HTD2: variants seen among roughly 807,000 people sequenced by gnomAD.
HTD2 encodes hydroxyacyl-thioester dehydratase type 2, also known as hydroxyacyl-thioester dehydratase type 2, mitochondrial.
Under a neutral mutation model 3.1 loss-of-function variants are expected in HTD2, and 1 was observed. The observed-to-expected ratio is 0.32, with a 90% CI of 0.11 to 1.52. The LOEUF (loss-of-function observed/expected upper bound fraction) is 1.52, where lower values mean the gene tolerates loss of function less well. HTD2 is among the 40% of genes most tolerant of loss of function. The probability of loss-of-function intolerance (pLI) is 0.39; values close to 1 mark genes in which losing one functional copy is unlikely to be tolerated. For synonymous variants in HTD2, 50 were observed against 28.9 expected, an observed-to-expected ratio of 1.73 and a Z score of -2.34; for missense variants, 150 against 79.6, an observed-to-expected ratio of 1.88 and a Z score of -3.36.
chr3:58,312,787 G>T (rs561765914), intron 2 of HTD2, among the ~76,000 whole-genome samples: 1 of 151,838 alleles, frequency 6.6e-6, no homozygotes, highest in East Asian at 1.9e-4. Context: ...GTGGTGAAAC[G>T]CTTTCTCTAC....
At position 58,319,228 on chromosome 3, in the gene HTD2, T is replaced by C. The variant is rs2097491826; in HGVS notation, c.*1108T>C. 1 of 152,236 alleles carries C rather than the reference T, an allele frequency of 6.6e-6. No homozygotes were observed. Among genetic ancestry groups the C allele is most frequent in the African/African-American group, 2.4e-5 (1 of 41,466 alleles). The allele number at this position is 152,236 out of a possible 1,614,324, so 9.4% of individuals were successfully genotyped here. ...TCAGAGTTTATTGTAATTTGTTATT[T>C]ACACCAAGGTGGCATCTTAGTCTAC... On this transcript the variant is annotated 3_prime_UTR_variant, in exon 5 of 5. Coordinates refer to ENST00000461393, the MANE Select transcript of HTD2 (RefSeq NM_001348712.2).
rs918518339 is a variant in HTD2 at position 58,313,966 on chromosome 3, T to G, written c.-330-2549T>G. ...CTTTGGGAAGCCAGGGCAGGAAGAT[T>G]GCTTGAGGCCAGGAGTTTGAGGCTG... is the stretch of plus-strand genomic sequence containing the variant. On this transcript the variant is annotated intron_variant, in intron 2 of 4. Coordinates refer to ENST00000461393, the MANE Select transcript of HTD2 (RefSeq NM_001348712.2). Among the ~76,000 whole-genome samples, 6 of 152,276 alleles carry G rather than the reference T, an allele frequency of 3.9e-5. No homozygotes were observed. In the East Asian group the frequency reaches 9.6e-4, roughly 24 times the overall value.
chr3:58,310,700 G>A (rs531885261), intron 2 of HTD2, 109 bp downstream of exon 2: 3 of 837,808 alleles, frequency 3.6e-6, no homozygotes, highest in East Asian at 2.5e-5. Flanking sequence ...TGGAGGCCGA[G>A]GTGGGCAGAT....
chr3:58,318,205 G>A lies in HTD2; in HGVS notation c.*85G>A. ...GAATTGCTGCTCTTTACCAAAGAATGGTTGATAGGCCCAGAAGCCCATCTT... is the reference window on the plus strand; with the variant it reads ...GAATTGCTGCTCTTTACCAAAGAATAGTTGATAGGCCCAGAAGCCCATCTT... On this transcript the variant is annotated 3_prime_UTR_variant, in exon 5 of 5. Coordinates refer to ENST00000461393, the MANE Select transcript of HTD2 (RefSeq NM_001348712.2). 1.7e-6 allele frequency: 1 copy of A among 598,100 alleles called. No homozygotes were observed. The highest frequency in any genetic ancestry group is 2.8e-5 in the East Asian group (1 of 36,266). 37.0% of individuals were successfully genotyped at this position (598,100 alleles called of 1,614,324 possible).
intron 2 of HTD2, among the ~76,000 whole-genome samples, chr3:58,314,818 A>G (rs13080813): frequency 0.07 from 10,653 of 151,200 alleles, 491 homozygotes; most frequent in South Asian, 0.1. Context: ...CCAAGTAGCT[A>G]GGACTACAGG....
intron 2 of HTD2, among the ~76,000 whole-genome samples, chr3:58,316,036 T>A (rs1473791773): frequency 2.0e-5 from 3 of 152,064 alleles, no homozygotes; most frequent in Admixed American, 6.6e-5. Flanking sequence ...ATACAAAATT[T>A]TAAAAAAAAA....
intron 2 of HTD2, among the ~76,000 whole-genome samples, chr3:58,314,934 C>T (rs1373518850): frequency 1.3e-5 from 2 of 152,034 alleles, no homozygotes; most frequent in Non-Finnish European, 2.9e-5. Context: ...ATCCGCCTGC[C>T]TTGGCCTCCC....
At position 58,316,576 on chromosome 3, in the gene HTD2, T is replaced by A; in HGVS notation, c.-269T>A. The A allele has an allele frequency of 6.2e-7, 1 of 1,613,608 alleles. No individual in the cohort carries two copies. Among genetic ancestry groups the A allele is most frequent in the Non-Finnish European group, 8.5e-7 (1 of 1,179,556 alleles). On this transcript the variant is annotated 5_prime_UTR_variant, in exon 3 of 5. It removes the in-frame stop codon of an upstream open reading frame in the 5' UTR. Coordinates refer to ENST00000461393, the MANE Select transcript of HTD2 (RefSeq NM_001348712.2). The stretch of plus-strand genomic sequence containing the variant: ...GAAGAGAAGACCTTGTCAGCCATCT[T>A]GAGAATATGTAGCAGGTATGACAGA...
At chr3:58,316,448 C>T in intron 2 of HTD2, 67 bp from the exon 3 acceptor site, 2 of 1,430,058 alleles carry the variant, frequency 1.4e-6, no homozygotes. Flanking sequence ...CATTTGTTGT[C>T]AAAAGTTGAC....
At chr3:58,313,715 G>C (rs13075007) in intron 2 of HTD2, among the ~76,000 whole-genome samples, 43,122 of 152,084 alleles carry the variant, frequency 0.28, 6,161 homozygotes, top group African/African-American at 0.31. Flanking sequence ...GTCCCAACTA[G>C]TCAGGAGGCT....
In HTD2 at chr3:58,317,252, G is replaced by A. The variant is rs74957107; in HGVS notation, c.-174-188G>A. Among the ~76,000 whole-genome samples, 856 of 152,284 alleles carry A rather than the reference G, an allele frequency of 5.6e-3. 11 individuals carry two copies. Among genetic ancestry groups the A allele is most frequent in the African/African-American group, 0.02 (814 of 41,550 alleles). On this transcript the variant is annotated intron_variant, in intron 4 of 4. Transcript: ENST00000461393. ...TTTTTTATTTAACACTTAATGCCTT[G>A]TGTGTTATATATTGGTACGCTCTTT...
intron 3 of HTD2, 126 bp from the exon 4 acceptor site, chr3:58,316,789 C>T (rs2107509443): frequency 1.1e-6 from 1 of 920,114 alleles, no homozygotes; most frequent in East Asian, 2.5e-5. Flanking sequence ...GATTTGGTTA[C>T]AGCTGTAGTT....
chr3:58,312,981 G>C (rs1186287483), intron 2 of HTD2, among the ~76,000 whole-genome samples: 1 of 103,412 alleles, frequency 9.7e-6, no homozygotes, highest in Non-Finnish European at 1.9e-5. Context: ...AAAAAAAAAA[G>C]GGCTGGGCAC....
chr3:58,316,212 G>GA (rs2097488167), intron 2 of HTD2, among the ~76,000 whole-genome samples: 1 of 152,212 alleles, frequency 6.6e-6, no homozygotes. Flanking sequence ...TTATGAAAGA[G>GA]AAAGTATGGT....
intron 1 of HTD2, 29 bp downstream of exon 1, chr3:58,306,680 A>G (rs1279293075): frequency 6.6e-6 from 1 of 152,266 alleles, no homozygotes; most frequent in African/African-American, 2.4e-5. Flanking sequence ...TTGTTGAAAA[A>G]TATTGAAAGC....
intron 2 of HTD2, among the ~76,000 whole-genome samples, chr3:58,311,769 A>G (rs1159996572): frequency 2.6e-5 from 4 of 151,352 alleles, no homozygotes; most frequent in Non-Finnish European, 4.4e-5. Context: ...ATGAGCCACT[A>G]TGCCCAGCTG....
chr3:58,308,618 C>T (rs372540952), intron 1 of HTD2, among the ~76,000 whole-genome samples: 1 of 152,188 alleles, frequency 6.6e-6, no homozygotes, highest in Admixed American at 6.5e-5. Context: ...CTCCTTGACC[C>T]TGACTTCTTT....
chr3:58,318,228 C>G lies in HTD2; in HGVS notation c.*108C>G. The G allele has an allele frequency of 3.4e-6, 2 of 584,588 alleles. No individual in the cohort carries two copies. Among genetic ancestry groups the G allele is most frequent in the South Asian group, 4.5e-5 (2 of 44,896 alleles). The allele number at this position is 584,588 out of a possible 1,614,324, so 36.2% of individuals were successfully genotyped here. ...ATGGTTGATAGGCCCAGAAGCCCAT[C>G]TTAGTTAGGGGAAGGGAGCAGGAAG... is the stretch of plus-strand genomic sequence containing the variant. On this transcript the variant is annotated 3_prime_UTR_variant, in exon 5 of 5. Coordinates refer to ENST00000461393, the MANE Select transcript of HTD2 (RefSeq NM_001348712.2).
intron 1 of HTD2, 98 bp from the exon 2 acceptor site, chr3:58,310,409 A>G (rs748628779): frequency 1.9e-6 from 3 of 1,613,690 alleles, no homozygotes; most frequent in Non-Finnish European, 2.5e-6. Context: ...GTCTGCCTGT[A>G]AGTTTAGTTT....
Sources: gnomAD v4.1 joint callset for allele counts (sites outside exome capture counted in the v4.1 genomes callset) on GRCh38, gnomAD v4.1.1 for gene constraint, MANE v1.5 for transcripts, NCBI Gene and HGNC (gene_info 2026-07-23, HGNC 2026-07-21) for gene names.